The following ZFHX4 variants were observed in gnomAD, a reference collection of about 807,000 sequenced individuals.
ZFHX4 encodes the protein zinc finger homeobox protein 4.
A neutral mutation model predicts 267.6 loss-of-function variants in ZFHX4; 56 were observed. That is an observed-to-expected ratio of 0.21 (90% CI 0.17 to 0.26). The LOEUF is 0.26. Ranked by LOEUF, ZFHX4 falls within the 10% of genes least tolerant of loss-of-function variation. ZFHX4 has a pLI of 1.00. For missense variants in ZFHX4, 4,332 were observed against 4,420.0 expected, an observed-to-expected ratio of 0.98 and a Z score of 0.56; for synonymous variants, 1,778 against 1,665.6, an observed-to-expected ratio of 1.07 and a Z score of -1.64.
intron 10 of ZFHX4, among the ~76,000 whole-genome samples, chr8:76,856,926 G>A (rs1342913499): frequency 6.6e-6 from 1 of 152,162 alleles, no homozygotes; most frequent in Non-Finnish European, 1.5e-5. Context: ...TTTGTAACAT[G>A]CATTGCTACT....
Position 76,851,374 on chromosome 8 carries a change from C to G in ZFHX4, c.4453C>G (p.Gln1485Glu). Residue 1485 changes from glutamine to glutamate, a missense_variant, in exon 10 of 11, where the codon CAG becomes GAG. Physicochemically the swap from Gln to Glu is conservative, Grantham distance 29. Around this residue, in one of 7 missense-constraint regions of ZFHX4, gnomAD observed 1,371 missense variants for 1,423.1 expected, o/e 0.96. Coordinates refer to ENST00000651372, the MANE Select transcript of ZFHX4 (RefSeq NM_024721.5). The stretch of plus-strand genomic sequence containing the variant: ...GTCCCAGGATGACCATGGCCTAGAG[C>G]AGGAAATGGAGAGAGAGTATGAGGT... The part of the protein sequence containing the change: ...TMSQDDHGLE[Q>E]EMEREYEVDH... 1 of 1,613,728 alleles carries G rather than the reference C, an allele frequency of 6.2e-7. No homozygotes were observed.
At chr8:76,766,691 G>A (rs1334674724) in intron 3 of ZFHX4, among the ~76,000 whole-genome samples, 1 of 151,822 alleles carries the variant, frequency 6.6e-6, no homozygotes, top group Non-Finnish European at 1.5e-5. Context: ...TTTACATAGA[G>A]TGGAGGCTAG....
In ZFHX4 at chr8:76,852,926, C is replaced by T. The variant is rs202076391; in HGVS notation, c.6005C>T (p.Thr2002Met). Residue 2002 changes from threonine (T) to methionine (M), a missense_variant, in exon 10 of 11, where the codon ACG (threonine) becomes ATG (methionine). Physicochemically the swap from Thr to Met is moderately conservative, Grantham distance 81. Transcript: ENST00000651372. Reference sequence around the variant, plus strand: ...CCAATTTCTCCATCTTCTCCAGAAACGCCGCCCCCGCCACCTCCTCCTCCT... The same window carrying T: ...CCAATTTCTCCATCTTCTCCAGAAATGCCGCCCCCGCCACCTCCTCCTCCT... Reference protein sequence around the residue: ...LYPISPSSPETPPPPPPPPPL... With the variant: ...LYPISPSSPEMPPPPPPPPPL... 13 of 1,593,342 alleles carry T rather than the reference C, an allele frequency of 8.2e-6. No individual in the cohort carries two copies. The highest frequency in any genetic ancestry group is 1.3e-5 in the African/African-American group (1 of 74,596).
At chr8:76,701,680 G>A (rs1808107184) in intron 1 of ZFHX4, among the ~76,000 whole-genome samples, 1 of 152,150 alleles carries the variant, frequency 6.6e-6, no homozygotes, top group Non-Finnish European at 1.5e-5. Context: ...GTATTTGTGG[G>A]ATGAGAACTG....
chr8:76,793,776 AT>A (rs1810901076), intron 4 of ZFHX4, among the ~76,000 whole-genome samples: 1 of 151,648 alleles, frequency 6.6e-6, no homozygotes. Context: ...TTCCTTTCTC[AT>A]TTTTTTAAAC....
At chr8:76,836,679 A>T (rs1812100823) in intron 5 of ZFHX4, among the ~76,000 whole-genome samples, 1 of 151,954 alleles carries the variant, frequency 6.6e-6, no homozygotes, top group Non-Finnish European at 1.5e-5. Flanking sequence ...CCTAGTAAGG[A>T]GTTGTTATGT....
At chr8:76,756,124 T>C (rs1011193293) in intron 3 of ZFHX4, among the ~76,000 whole-genome samples, 2 of 152,228 alleles carry the variant, frequency 1.3e-5, no homozygotes, top group Non-Finnish European at 2.9e-5. Context: ...TCTTAGTGCT[T>C]GTTGATGGCA....
chr8:76,694,260 T>A (rs1807896302), intron 1 of ZFHX4, among the ~76,000 whole-genome samples: 1 of 152,174 alleles, frequency 6.6e-6, no homozygotes, highest in Non-Finnish European at 1.5e-5. Context: ...AAGTTTCACA[T>A]TTAATCATAG....
chr8:76,768,542 G>A (rs1034121577), intron 3 of ZFHX4, among the ~76,000 whole-genome samples: 16 of 152,180 alleles, frequency 1.1e-4, no homozygotes, highest in African/African-American at 3.6e-4. Context: ...CTAATTAGAT[G>A]CCTGGAGCAG....
At chr8:76,816,212 G>T (rs1811501871) in intron 4 of ZFHX4, among the ~76,000 whole-genome samples, 1 of 152,096 alleles carries the variant, frequency 6.6e-6, no homozygotes, top group Admixed American at 6.5e-5. Context: ...ATCATATTTT[G>T]CTATTTATAT....
At chr8:76,794,301 T>C (rs1165056744) in intron 4 of ZFHX4, among the ~76,000 whole-genome samples, 2 of 152,284 alleles carry the variant, frequency 1.3e-5, no homozygotes, top group East Asian at 3.9e-4. Flanking sequence ...TTCCCAATTT[T>C]CAGCTGAAAA....
chr8:76,800,486 A>C (rs1021399915), intron 4 of ZFHX4, among the ~76,000 whole-genome samples: 3 of 152,180 alleles, frequency 2.0e-5, no homozygotes, highest in Admixed American at 6.5e-5. Context: ...AGCTTTTGAC[A>C]TGTTGTTCCT....
intron 3 of ZFHX4, among the ~76,000 whole-genome samples, chr8:76,761,562 A>G (rs768095976): frequency 2.6e-5 from 4 of 152,226 alleles, no homozygotes; most frequent in African/African-American, 7.2e-5. Context: ...ATGTGTAAAT[A>G]GATAATGTTA....
intron 6 of ZFHX4, 35 bp from the exon 7 acceptor site, chr8:76,848,960 T>C (rs1017039259): frequency 1.4e-6 from 2 of 1,461,132 alleles, no homozygotes. Context: ...AATTGTGTTT[T>C]TAAATTGAAT....
At chr8:76,844,151 T>C (rs1812307536) in intron 6 of ZFHX4, among the ~76,000 whole-genome samples, 1 of 152,156 alleles carries the variant, frequency 6.6e-6, no homozygotes, top group East Asian at 1.9e-4. Context: ...GACAGTACCA[T>C]CTAAACTTTA....
At chr8:76,821,554 T>C (rs1357805277) in intron 4 of ZFHX4, among the ~76,000 whole-genome samples, 3 of 151,494 alleles carry the variant, frequency 2.0e-5, no homozygotes, top group Non-Finnish European at 4.4e-5. Context: ...CTAGGCTGTC[T>C]ATACCACATC....
At chr8:76,700,502 C>T (rs935601647) in intron 1 of ZFHX4, among the ~76,000 whole-genome samples, 1 of 152,134 alleles carries the variant, frequency 6.6e-6, no homozygotes, top group Non-Finnish European at 1.5e-5. Context: ...AGGAATTCTT[C>T]TATTGTTCAG....
chr8:76,808,749 A>G (rs1811304080), intron 4 of ZFHX4, among the ~76,000 whole-genome samples: 1 of 152,124 alleles, frequency 6.6e-6, no homozygotes, highest in South Asian at 2.1e-4. Flanking sequence ...GCCCACAATC[A>G]TTGTGTTCTA....
rs185086076 is a variant in ZFHX4, at chr8:76,732,382, T to C, written c.3093+24334T>C. On this transcript the variant is annotated intron_variant, in intron 3 of 10. Coordinates refer to ENST00000651372, the MANE Select transcript of ZFHX4 (RefSeq NM_024721.5). ...TATGGGATATCTAAGTGTATATATA[T>C]GTTAAAGGAGTATAGTTGTTAAATT... Among the ~76,000 whole-genome samples the C allele has an allele frequency of 2.4e-4, 36 of 152,202 alleles. No homozygotes were observed. The East Asian group carries it at 6.9e-3, about 29-fold the overall frequency.
Sources: gnomAD v4.1 joint callset for allele counts (sites outside exome capture counted in the v4.1 genomes callset) on GRCh38, gnomAD v4.1.1 for gene constraint, gnomAD v4.1.1 regional missense constraint, MANE v1.5 for transcripts, NCBI Gene and HGNC (gene_info 2026-07-23, HGNC 2026-07-21) for gene names.